Variants in ZNF804A observed in about 807,000 individuals in gnomAD.
ZNF804A encodes zinc finger protein 804A.
A neutral mutation model predicts 16.5 loss-of-function variants in ZNF804A; 2 were observed. The observed-to-expected ratio is 0.12, with a 90% CI of 0.05 to 0.38. The LOEUF (loss-of-function observed/expected upper bound fraction) is 0.38. Among genes scored for constraint, ZNF804A ranks in the 10% least tolerant of loss-of-function variants. ZNF804A has a pLI of 0.99. For synonymous variants in ZNF804A, 534 were observed against 489.6 expected (o/e 1.09, Z -1.20); for missense variants, 1,473 against 1,390.7 (o/e 1.06, Z -0.94).
intron 1 of ZNF804A, among the ~76,000 whole-genome samples, chr2:184,601,847 G>A (rs1691054035): frequency 6.6e-6 from 1 of 151,718 alleles, no homozygotes; most frequent in East Asian, 1.9e-4. Context: ...TCTGTCAATA[G>A]ATACTTAATG....
chr2:184,623,742 C>T (rs779544377), intron 1 of ZNF804A, among the ~76,000 whole-genome samples: 2 of 152,126 alleles, frequency 1.3e-5, no homozygotes, highest in African/African-American at 4.8e-5. Flanking sequence ...AAAAGAGCCA[C>T]ATTAACAAAC....
At chr2:184,841,193 G>T (rs1558978677) in intron 1 of ZNF804A, among the ~76,000 whole-genome samples, 1 of 151,954 alleles carries the variant, frequency 6.6e-6, no homozygotes, top group Admixed American at 6.6e-5. Flanking sequence ...CATTTCTTTG[G>T]GAAAAGCAGT....
intron 1 of ZNF804A, among the ~76,000 whole-genome samples, chr2:184,725,859 T>A (rs895771773): frequency 1.3e-5 from 2 of 151,704 alleles, no homozygotes; most frequent in Non-Finnish European, 3.0e-5. Context: ...ATCTCTGTAA[T>A]TTGTTATTCC....
chr2:184,757,575 A>G (rs867773472), intron 1 of ZNF804A, among the ~76,000 whole-genome samples: 17 of 151,936 alleles, frequency 1.1e-4, no homozygotes, highest in African/African-American at 3.9e-4. Flanking sequence ...GTCTTTTTGA[A>G]TGACAATAGG....
At chr2:184,765,290 A>G (rs1324474962) in intron 1 of ZNF804A, among the ~76,000 whole-genome samples, 1 of 151,868 alleles carries the variant, frequency 6.6e-6, no homozygotes, top group Non-Finnish European at 1.5e-5. Flanking sequence ...AAGTCACACT[A>G]CTATGGTAAT....
chr2:184,737,827 G>T (rs1369304504), intron 1 of ZNF804A, among the ~76,000 whole-genome samples: 1 of 151,974 alleles, frequency 6.6e-6, no homozygotes, highest in African/African-American at 2.4e-5. Flanking sequence ...GAAAAATAAA[G>T]AAAATATCAG....
chr2:184,768,558 C>G (rs1694164286), intron 1 of ZNF804A, among the ~76,000 whole-genome samples: 1 of 151,950 alleles, frequency 6.6e-6, no homozygotes, highest in South Asian at 2.1e-4. Context: ...GGGTGAATCT[C>G]CTTAATTTCT....
At chr2:184,712,010 A>G (rs1368990618) in intron 1 of ZNF804A, among the ~76,000 whole-genome samples, 2 of 151,780 alleles carry the variant, frequency 1.3e-5, no homozygotes, top group Non-Finnish European at 3.0e-5. Flanking sequence ...GAAATGCATT[A>G]GTATTTTGAT....
intron 1 of ZNF804A, among the ~76,000 whole-genome samples, chr2:184,650,847 A>G (rs1574147217): frequency 6.6e-6 from 1 of 152,270 alleles, no homozygotes. Flanking sequence ...TGGAAGAATC[A>G]GTATTGTTAA....
At chr2:184,770,648 A>G (rs1295935598) in intron 1 of ZNF804A, among the ~76,000 whole-genome samples, 1 of 152,086 alleles carries the variant, frequency 6.6e-6, no homozygotes, top group African/African-American at 2.4e-5. Context: ...GTAGAGAAAG[A>G]TAAATTATAA....
intron 1 of ZNF804A, among the ~76,000 whole-genome samples, chr2:184,762,829 G>T (rs1461655205): frequency 6.6e-6 from 1 of 152,016 alleles, no homozygotes; most frequent in Non-Finnish European, 1.5e-5. Flanking sequence ...TCTAAGCAGT[G>T]AGGAAATGAA....
At chr2:184,622,271 A>T (rs905281780) in intron 1 of ZNF804A, among the ~76,000 whole-genome samples, 18 of 151,836 alleles carry the variant, frequency 1.2e-4, no homozygotes, top group Non-Finnish European at 2.7e-4. Context: ...TTGTGTCATG[A>T]AATAGGAAGT....
intron 2 of ZNF804A, among the ~76,000 whole-genome samples, chr2:184,901,745 G>A (rs1424712660): frequency 2.6e-5 from 4 of 151,914 alleles, no homozygotes; most frequent in African/African-American, 9.7e-5. Context: ...AATCTAGGAG[G>A]TAATGCATTT....
At chr2:184,909,152 T>C (rs1348143865) in intron 2 of ZNF804A, among the ~76,000 whole-genome samples, 1 of 152,106 alleles carries the variant, frequency 6.6e-6, no homozygotes, top group Admixed American at 6.6e-5. Context: ...AATGTTCTGT[T>C]AGGAACAAGT....
At chr2:184,893,812 C>A (rs1574259918) in intron 2 of ZNF804A, among the ~76,000 whole-genome samples, 2 of 152,084 alleles carry the variant, frequency 1.3e-5, no homozygotes, top group Non-Finnish European at 2.9e-5. Context: ...ATATACTGAA[C>A]TTTTTGTGTT....
Position 184,598,951 on chromosome 2 carries a change from G to A in ZNF804A, c.-9G>A, listed in dbSNP as rs748196053. 2.6e-6 allele frequency: 4 copies of A among 1,544,498 alleles called. No individual in the cohort carries two copies. In the South Asian group the frequency reaches 3.6e-5, roughly 14 times the overall value. ...CGGCGGCTGCGGCGGAGGAGGCGGC[G>A]GCTGCCCCATGGAGTGTTACTACAT... is the stretch of plus-strand genomic sequence containing the variant. On this transcript the variant is annotated 5_prime_UTR_variant, in exon 1 of 4. Coordinates refer to ENST00000302277, the MANE Select transcript of ZNF804A (RefSeq NM_194250.2).
At chr2:184,779,126 ATACTCT>A (rs1694335510) in intron 1 of ZNF804A, among the ~76,000 whole-genome samples, 1 of 151,620 alleles carries the variant, frequency 6.6e-6, no homozygotes, top group African/African-American at 2.4e-5. Context: ...CTCTTAAAAA[ATACTCT>A]TGTGGTTCTG....
intron 1 of ZNF804A, among the ~76,000 whole-genome samples, chr2:184,710,758 C>A (rs1372047413): frequency 6.6e-6 from 1 of 151,750 alleles, no homozygotes; most frequent in Non-Finnish European, 1.5e-5. Flanking sequence ...TGAAATCATG[C>A]AGTATTTGTC....
intron 1 of ZNF804A, among the ~76,000 whole-genome samples, chr2:184,737,519 GC>G (rs1237199859): frequency 6.6e-6 from 1 of 152,030 alleles, no homozygotes; most frequent in Non-Finnish European, 1.5e-5. Context: ...TATACTTGGT[GC>G]TTTTGAACAT....
Sources: allele counts gnomAD v4.1 joint callset (sites outside exome capture counted in the v4.1 genomes callset), GRCh38; gene constraint gnomAD v4.1.1; transcripts MANE v1.5; gene names NCBI Gene and HGNC (gene_info 2026-07-23, HGNC 2026-07-21).